RAPGEF2: variants seen among roughly 807,000 people sequenced by gnomAD.
RAPGEF2 encodes the protein PDZ domain containing guanine nucleotide exchange factor (GEF) 1.
In RAPGEF2, 54 loss-of-function variants were observed where a neutral mutation model predicts 186.7. That is an observed-to-expected ratio of 0.29 (90% CI 0.23 to 0.36). The LOEUF (loss-of-function observed/expected upper bound fraction) is 0.36. Among genes scored for constraint, RAPGEF2 ranks in the 10% least tolerant of loss-of-function variants. The probability of loss-of-function intolerance (pLI) is 1.00; values close to 1 mark genes in which losing one functional copy is unlikely to be tolerated. For synonymous variants in RAPGEF2, 712 were observed against 705.9 expected (o/e 1.01, Z -0.14); for missense variants, 1,532 against 2,045.0 (o/e 0.75, Z 4.84).
At chr4:159,116,316 A>G (rs1440567767) in intron 1 of RAPGEF2, among the ~76,000 whole-genome samples, 1 of 152,234 alleles carries the variant, frequency 6.6e-6, no homozygotes, top group Non-Finnish European at 1.5e-5. Context: ...CATTGCAGCC[A>G]ACAAACATGG....
At chr4:159,300,957 C>A (rs1762590444) in intron 7 of RAPGEF2, among the ~76,000 whole-genome samples, 1 of 152,180 alleles carries the variant, frequency 6.6e-6, no homozygotes, top group Non-Finnish European at 1.5e-5. Context: ...TGGGCTCAGG[C>A]CTCTATTTCA....
At chr4:159,235,462 G>A (rs1579549089) in intron 4 of RAPGEF2, among the ~76,000 whole-genome samples, 1 of 152,114 alleles carries the variant, frequency 6.6e-6, no homozygotes, top group Admixed American at 6.5e-5. Context: ...TCTACGGCTT[G>A]CCTGCACTCA....
intron 26 of RAPGEF2, chr4:159,351,262 A>G (rs1014704842): frequency 3.6e-6 from 5 of 1,402,442 alleles, no homozygotes; most frequent in Middle Eastern, 2.0e-4. Context: ...AATTCCTCCA[A>G]ATGTCAAGTG....
At chr4:159,210,387 T>C in intron 3 of RAPGEF2, 113 bp from the exon 4 acceptor site, 1 of 638,954 alleles carries the variant, frequency 1.6e-6, no homozygotes, top group Non-Finnish European at 2.7e-6. Flanking sequence ...TGTTGTATGC[T>C]ATTCTTTATT....
chr4:159,351,302 C>A, intron 26 of RAPGEF2: 1 of 895,492 alleles, frequency 1.1e-6, no homozygotes, highest in Non-Finnish European at 1.5e-6. Context: ...TTTTCTGAAA[C>A]TTTTTTTTTT....
At chr4:159,254,798 A>C (rs922359021) in intron 7 of RAPGEF2, among the ~76,000 whole-genome samples, 1 of 151,920 alleles carries the variant, frequency 6.6e-6, no homozygotes, top group Admixed American at 6.6e-5. Context: ...ACAGGGTTTG[A>C]CCATATTGGC....
rs1011284645 is a variant in RAPGEF2, at chr4:159,198,212, C to T, written c.197+4956C>T. ...CCCTACCCCAGGAAGCAAAATACTG[C>T]GATTCTTTCTTTTATTTTCTTTTCT... On this transcript the variant is annotated intron_variant, in intron 3 of 29. Transcript: ENST00000691494. Among the ~76,000 whole-genome samples the T allele has an allele frequency of 5.3e-5, 8 of 151,066 alleles. 1 individual carries two copies. Among genetic ancestry groups the T allele is most frequent in the Non-Finnish European group, 7.4e-5 (5 of 67,750 alleles).
intron 1 of RAPGEF2, among the ~76,000 whole-genome samples, chr4:159,178,682 C>T (rs1178401066): frequency 2.6e-5 from 4 of 151,802 alleles, no homozygotes; most frequent in African/African-American, 9.7e-5. Flanking sequence ...CTCAGCCCCC[C>T]AAGTAGCTGG....
chr4:159,183,894 C>T lies in RAPGEF2; in HGVS notation c.70-2748C>T, dbSNP rs1039279176. ...CTCCTAATGCTATCCCTCCCCCCTC[C>T]TCTCACCCCATGACAGGCTCTGGTG... On this transcript the variant is annotated intron_variant, in intron 1 of 29. Coordinates refer to ENST00000691494, the MANE Select transcript of RAPGEF2 (RefSeq NM_001394067.2). Among the ~76,000 whole-genome samples, 6 of 152,282 alleles carry T rather than the reference C, an allele frequency of 3.9e-5. No homozygotes were observed. The East Asian group carries it at 7.7e-4, about 20-fold the overall frequency.
chr4:159,331,305 T>C, intron 13 of RAPGEF2, 126 bp from the exon 14 acceptor site: 2 of 589,566 alleles, frequency 3.4e-6, no homozygotes, highest in Non-Finnish European at 6.0e-6. Context: ...TTTATTATTG[T>C]TAATTTATTT....
At chr4:159,144,999 C>T (rs1742781877) in intron 1 of RAPGEF2, among the ~76,000 whole-genome samples, 1 of 148,414 alleles carries the variant, frequency 6.7e-6, no homozygotes, top group African/African-American at 2.5e-5. Context: ...GGTGATTCTC[C>T]CACCTCAGCC....
chr4:159,206,711 C>T (rs530557849), intron 3 of RAPGEF2, among the ~76,000 whole-genome samples: 1 of 152,252 alleles, frequency 6.6e-6, no homozygotes, highest in South Asian at 2.1e-4. Flanking sequence ...AAAGAGTAAG[C>T]GTGGTTAGTT....
intron 7 of RAPGEF2, among the ~76,000 whole-genome samples, chr4:159,259,082 A>G (rs1756512278): frequency 6.6e-6 from 1 of 152,226 alleles, no homozygotes; most frequent in South Asian, 2.1e-4. Context: ...ATAAGCATGC[A>G]CTGGCCAAAG....
chr4:159,290,080 A>G (rs9990664), intron 7 of RAPGEF2, among the ~76,000 whole-genome samples: 49,650 of 151,972 alleles, frequency 0.33, 8,675 homozygotes, highest in Non-Finnish European at 0.4. Flanking sequence ...GTGTTTTAAA[A>G]GTTTACTTCT....
intron 1 of RAPGEF2, among the ~76,000 whole-genome samples, chr4:159,135,320 A>T (rs1012447423): frequency 6.6e-6 from 1 of 152,190 alleles, no homozygotes; most frequent in Non-Finnish European, 1.5e-5. Context: ...TGCTGGGATT[A>T]CAGGCGTAAG....
In RAPGEF2 at chr4:159,353,747, C is replaced by G; in HGVS notation, c.4352C>G (p.Ala1451Gly). Residue 1451 changes from alanine to glycine, a missense_variant, in exon 28 of 30, where the codon GCA (alanine) becomes GGA (glycine). Ala to Gly is a moderately conservative substitution (Grantham distance 60). Coordinates refer to ENST00000691494, the MANE Select transcript of RAPGEF2 (RefSeq NM_001394067.2). The surrounding 1 kb of genome is among the most constrained non-coding windows in gnomAD (Gnocchi z 4.3). ...TCAGGGGATCCTGCAGGTTTATGGG[C>G]ATCAAGCAGCCATATGGACCAAATT... ...DYSGDPAGLW[A>G]SSSHMDQIMF... The G allele has an allele frequency of 6.2e-7, 1 of 1,612,894 alleles. No individual in the cohort carries two copies. Among genetic ancestry groups the G allele is most frequent in the Non-Finnish European group, 8.5e-7 (1 of 1,179,472 alleles).
At position 159,314,785 on chromosome 4, in the gene RAPGEF2, A is replaced by G; in HGVS notation, c.853+17A>G. Reference sequence around the variant, plus strand: ...ATGACATTGGTAAGCTTGAACAGGAAAATGAATCTACGAGCAATTAAAAAG... The same window carrying G: ...ATGACATTGGTAAGCTTGAACAGGAGAATGAATCTACGAGCAATTAAAAAG... On this transcript the variant is annotated intron_variant, in intron 9 of 29. Transcript: ENST00000691494. 1.3e-6 allele frequency: 2 copies of G among 1,566,076 alleles called. No individual in the cohort carries two copies. The highest frequency in any genetic ancestry group is 1.7e-6 in the Non-Finnish European group (2 of 1,159,138).
At chr4:159,210,848 C>T (rs937326694) in intron 4 of RAPGEF2, among the ~76,000 whole-genome samples, 1 of 152,138 alleles carries the variant, frequency 6.6e-6, no homozygotes, top group Non-Finnish European at 1.5e-5. Flanking sequence ...GTTGAGGGCA[C>T]ATTTGCTCCT....
chr4:159,132,423 G>A (rs892063232), intron 1 of RAPGEF2, among the ~76,000 whole-genome samples: 3 of 152,166 alleles, frequency 2.0e-5, no homozygotes, highest in African/African-American at 7.2e-5. Flanking sequence ...TGGTTGTAGA[G>A]GACAGTGTCT....
Sources: gnomAD v4.1 joint callset for allele counts (sites outside exome capture counted in the v4.1 genomes callset) on GRCh38, gnomAD v4.1.1 for gene constraint, Gnocchi (gnomAD v3.1) non-coding constraint, MANE v1.5 for transcripts, NCBI Gene and HGNC (gene_info 2026-07-23, HGNC 2026-07-21) for gene names.